MCC: variants seen among roughly 807,000 people sequenced by gnomAD.
The protein encoded by MCC is colorectal mutant cancer protein.
Under a neutral mutation model 116.2 loss-of-function variants are expected in MCC, and 90 were observed. The observed-to-expected ratio is 0.77, with a 90% CI of 0.65 to 0.92. The LOEUF (loss-of-function observed/expected upper bound fraction) is 0.92, where lower values mean the gene tolerates loss of function less well. Among genes scored for constraint, MCC ranks in the 40% least tolerant of loss-of-function variants. The pLI, the probability that MCC is intolerant of heterozygous loss-of-function variation, is 0.00. For missense variants in MCC, 1,516 were observed against 1,312.2 expected (o/e 1.16, Z -2.40); for synonymous variants, 578 against 510.5 (o/e 1.13, Z -1.78).
intron 3 of MCC, among the ~76,000 whole-genome samples, chr5:113,156,093 G>A (rs1282314945): frequency 6.6e-6 from 1 of 152,186 alleles, no homozygotes; most frequent in Non-Finnish European, 1.5e-5. Context: ...GCAGAAAGGT[G>A]CCTCAGTCCC....
At chr5:113,314,490 C>T (rs1336020626) in intron 3 of MCC, among the ~76,000 whole-genome samples, 2 of 152,172 alleles carry the variant, frequency 1.3e-5, no homozygotes, top group African/African-American at 2.4e-5. Flanking sequence ...AGTATAGAGC[C>T]GGATATTCTG....
chr5:113,158,758 T>C (rs1430339105), intron 3 of MCC, among the ~76,000 whole-genome samples: 1 of 152,170 alleles, frequency 6.6e-6, no homozygotes, highest in East Asian at 1.9e-4. Context: ...GCAAAAGTAA[T>C]TGCAATGGCA....
chr5:113,451,671 T>C (rs1038552408), intron 1 of MCC, among the ~76,000 whole-genome samples: 1 of 151,728 alleles, frequency 6.6e-6, no homozygotes, highest in Non-Finnish European at 1.5e-5. Context: ...GAGGTGGAGG[T>C]TGCACCTTTG....
chr5:113,477,976 T>C (rs1242031736), intron 1 of MCC, among the ~76,000 whole-genome samples: 3 of 152,192 alleles, frequency 2.0e-5, no homozygotes, highest in African/African-American at 4.8e-5. Flanking sequence ...ACAGAGATGA[T>C]GGAATTGGCA....
intron 5 of MCC, among the ~76,000 whole-genome samples, chr5:113,142,075 T>A (rs182455392): frequency 9.1e-4 from 139 of 152,304 alleles, no homozygotes; most frequent in African/African-American, 3.2e-3. Flanking sequence ...TGCAGTTTAT[T>A]GTGTGGCTCC....
intron 3 of MCC, among the ~76,000 whole-genome samples, chr5:113,251,290 T>G (rs1256291755): frequency 6.6e-6 from 1 of 152,284 alleles, no homozygotes; most frequent in Non-Finnish European, 1.5e-5. Context: ...TGCGTTTTTT[T>G]AAGTTGGTAT....
chr5:113,457,827 C>G (rs992398896), intron 1 of MCC, among the ~76,000 whole-genome samples: 1 of 150,248 alleles, frequency 6.7e-6, no homozygotes, highest in Admixed American at 6.6e-5. Flanking sequence ...ATACACCAAT[C>G]GGCACTCTGT....
intron 3 of MCC, among the ~76,000 whole-genome samples, chr5:113,172,268 CA>C (rs1266845446): frequency 6.6e-6 from 1 of 151,964 alleles, no homozygotes; most frequent in Non-Finnish European, 1.5e-5. Flanking sequence ...CAAAACAACT[CA>C]AAAAAGGGTC....
chr5:113,165,513 G>T (rs1332256923), intron 3 of MCC, among the ~76,000 whole-genome samples: 1 of 152,162 alleles, frequency 6.6e-6, no homozygotes, highest in African/African-American at 2.4e-5. Flanking sequence ...ACTCGCTGCA[G>T]ATGGGATAGC....
intron 3 of MCC, among the ~76,000 whole-genome samples, chr5:113,307,561 T>C (rs1486756050): frequency 6.6e-6 from 1 of 152,252 alleles, no homozygotes; most frequent in Non-Finnish European, 1.5e-5. Context: ...TGGAATTTTC[T>C]ATATACAAGA....
intron 3 of MCC, among the ~76,000 whole-genome samples, chr5:113,275,970 GTTT>G (rs34159294): frequency 7.7e-6 from 1 of 130,482 alleles, no homozygotes. Context: ...CACTTGTTTT[GTTT>G]TTTTTTTTTT....
At chr5:113,119,402 C>T (rs3922584) in intron 6 of MCC, among the ~76,000 whole-genome samples, 80,116 of 151,922 alleles carry the variant, frequency 0.53, 22,669 homozygotes, top group East Asian at 0.69. Flanking sequence ...AGACAGCTGC[C>T]GAGGAAGGAG....
chr5:113,303,213 G>A (rs1766904209), intron 3 of MCC, among the ~76,000 whole-genome samples: 1 of 152,180 alleles, frequency 6.6e-6, no homozygotes, highest in Admixed American at 6.5e-5. Context: ...AGAAAATGGT[G>A]ATGATTTGGA....
At chr5:113,389,428 C>T (rs936882676) in intron 1 of MCC, among the ~76,000 whole-genome samples, 1 of 152,162 alleles carries the variant, frequency 6.6e-6, no homozygotes, top group African/African-American at 2.4e-5. Context: ...GGCCTAAAGA[C>T]ACCTTCTAGC....
intron 3 of MCC, among the ~76,000 whole-genome samples, chr5:113,339,097 G>T (rs1181524484): frequency 6.6e-6 from 1 of 151,772 alleles, no homozygotes; most frequent in Non-Finnish European, 1.5e-5. Context: ...GGTGTGGCAG[G>T]TACCTGTAAT....
In MCC at chr5:113,052,725, T is replaced by TAGA. The variant is rs1752566397; in HGVS notation, c.2448+999_2448+1000insTCT. On this transcript the variant is annotated intron_variant, in intron 15 of 18. Coordinates refer to ENST00000408903, the MANE Select transcript of MCC (RefSeq NM_001085377.2). ...TTAACTCTGCACTGCCACGACCTGC[T>TAGA]CTGGCTTGCTAGACTCCAGTTCCTG... Among the ~76,000 whole-genome samples, 3 of 152,296 alleles carry TAGA rather than the reference T, an allele frequency of 2.0e-5. No individual in the cohort carries two copies. The South Asian group carries it at 6.2e-4, about 32-fold the overall frequency.
intron 17 of MCC, among the ~76,000 whole-genome samples, chr5:113,033,708 A>G (rs1751120918): frequency 6.6e-6 from 1 of 152,212 alleles, no homozygotes; most frequent in African/African-American, 2.4e-5. Flanking sequence ...TATGCCCAGT[A>G]GTATTGGCAC....
At chr5:113,385,279 T>C in intron 1 of MCC, 67 bp from the exon 2 acceptor site, 9 of 1,474,138 alleles carry the variant, frequency 6.1e-6, no homozygotes, top group Non-Finnish European at 8.3e-6. Context: ...AACTGGTTAA[T>C]GAAAAAAAAA....
At chr5:113,275,298 T>C (rs1302238994) in intron 3 of MCC, among the ~76,000 whole-genome samples, 1 of 152,210 alleles carries the variant, frequency 6.6e-6, no homozygotes, top group Non-Finnish European at 1.5e-5. Flanking sequence ...TAGATTAGCA[T>C]TTTGGTCAGA....
Sources: allele counts gnomAD v4.1 joint callset (sites outside exome capture counted in the v4.1 genomes callset), GRCh38; gene constraint gnomAD v4.1.1; transcripts MANE v1.5; gene names NCBI Gene and HGNC (gene_info 2026-07-23, HGNC 2026-07-21).